CELF2: variants seen among roughly 807,000 people sequenced by gnomAD.
CELF2 encodes the protein CUGBP Elav-like family member 2.
In CELF2, 8 loss-of-function variants were observed where a neutral mutation model predicts 62.6. That is an observed-to-expected ratio of 0.13 (90% CI 0.07 to 0.23). CELF2 has a LOEUF of 0.23. Ranked by LOEUF, CELF2 falls within the 10% of genes least tolerant of loss-of-function variation. The pLI is 1.00. For synonymous variants in CELF2, 258 were observed against 250.0 expected (o/e 1.03, Z -0.30); for missense variants, 333 against 671.0 (o/e 0.50, Z 5.56).
intron 1 of CELF2, among the ~76,000 whole-genome samples, chr10:11,027,188 T>G (rs2059354513): frequency 6.6e-6 from 1 of 152,228 alleles, no homozygotes; most frequent in Admixed American, 6.5e-5. Flanking sequence ...TGCTGGCAGC[T>G]CTGTCTCAAA....
chr10:10,860,849 C>T (rs2060009138), intron 1 of CELF2, among the ~76,000 whole-genome samples: 1 of 152,238 alleles, frequency 6.6e-6, no homozygotes, highest in Admixed American at 6.5e-5. Context: ...GATTAGTTGA[C>T]AGCCTGTGAT....
At chr10:11,143,471 G>A (rs954314623) in intron 1 of CELF2, among the ~76,000 whole-genome samples, 22 of 152,250 alleles carry the variant, frequency 1.4e-4, no homozygotes, top group Middle Eastern at 3.4e-3. Flanking sequence ...TCTGACTGAC[G>A]GACCCTTCCA....
At chr10:11,066,337 T>G (rs1344264789) in intron 1 of CELF2, among the ~76,000 whole-genome samples, 2 of 152,094 alleles carry the variant, frequency 1.3e-5, no homozygotes, top group Admixed American at 1.3e-4. Context: ...CTATGGTGGG[T>G]GTGCTGCCAA....
chr10:10,749,364 G>C, the CELF2 span, among the ~76,000 whole-genome samples: 1 of 152,068 alleles, frequency 6.6e-6, no homozygotes, highest in Non-Finnish European at 1.5e-5. Flanking sequence ...ACAAGCTGAG[G>C]GTACTAAGTG....
At chr10:10,510,364 C>T in the CELF2 span, among the ~76,000 whole-genome samples, 1 of 152,196 alleles carries the variant, frequency 6.6e-6, no homozygotes, top group Non-Finnish European at 1.5e-5. Flanking sequence ...TTTTGCAATA[C>T]TTCTTTTAGG....
chr10:10,798,634 CGT>C (rs893287253), exon 1 of CELF2: 4 of 397,162 alleles, frequency 1.0e-5, no homozygotes, highest in Non-Finnish European at 1.8e-5. Flanking sequence ...AGGAAAAGTG[CGT>C]GTCAGCCCGG....
At chr10:11,036,085 T>C (rs2060903911) in intron 1 of CELF2, among the ~76,000 whole-genome samples, 1 of 152,232 alleles carries the variant, frequency 6.6e-6, no homozygotes, top group Non-Finnish European at 1.5e-5. Flanking sequence ...CATGCGTAAA[T>C]ACTCTGAAAG....
the CELF2 span, among the ~76,000 whole-genome samples, chr10:10,647,549 C>T: frequency 2.6e-5 from 4 of 152,176 alleles, no homozygotes; most frequent in Admixed American, 2.6e-4. Context: ...TAAATGATGA[C>T]GACAGATCAT....
chr10:10,973,472 C>T (rs1183396001), intron 2 of CELF2, among the ~76,000 whole-genome samples: 2 of 152,158 alleles, frequency 1.3e-5, no homozygotes, highest in African/African-American at 4.8e-5. Flanking sequence ...GGTTCTCCTG[C>T]AGACCACGCT....
chr10:10,633,748 T>G, the CELF2 span, among the ~76,000 whole-genome samples: 1 of 152,072 alleles, frequency 6.6e-6, no homozygotes, highest in Non-Finnish European at 1.5e-5. Context: ...CCTTCAAAAA[T>G]TTGACCCTTC....
the CELF2 span, among the ~76,000 whole-genome samples, chr10:10,490,831 A>ATGG: frequency 6.6e-6 from 1 of 152,144 alleles, no homozygotes; most frequent in African/African-American, 2.4e-5. Context: ...TGCCCAAGGG[A>ATGG]GTTAATAATG....
At chr10:10,549,161 T>A in the CELF2 span, among the ~76,000 whole-genome samples, 1 of 152,304 alleles carries the variant, frequency 6.6e-6, no homozygotes, top group African/African-American at 2.4e-5. Context: ...GGTAAACTAG[T>A]TTGCTTGGGC....
intron 3 of CELF2, among the ~76,000 whole-genome samples, chr10:11,229,452 C>T (rs1401700062): frequency 1.3e-5 from 2 of 152,192 alleles, no homozygotes; most frequent in Non-Finnish European, 2.9e-5. Context: ...CTTTGTACTT[C>T]AGTCCATTTG....
intron 8 of CELF2, among the ~76,000 whole-genome samples, chr10:11,282,610 A>G (rs932663026): frequency 6.6e-6 from 1 of 152,230 alleles, no homozygotes; most frequent in African/African-American, 2.4e-5. Flanking sequence ...ACTCTGCACT[A>G]GGCATTGTTT....
At chr10:11,139,317 TA>T (rs1158358432) in intron 1 of CELF2, among the ~76,000 whole-genome samples, 12 of 152,372 alleles carry the variant, frequency 7.9e-5, no homozygotes, top group Admixed American at 5.9e-4. Context: ...ATTGTAAATT[TA>T]AAATTTTAAA....
chr10:10,764,322 T>A, the CELF2 span, among the ~76,000 whole-genome samples: 1 of 152,236 alleles, frequency 6.6e-6, no homozygotes, highest in East Asian at 1.9e-4. Context: ...TCTGCAAAAA[T>A]TCCATTTGGG....
intron 1 of CELF2, among the ~76,000 whole-genome samples, chr10:11,007,642 G>A (rs1215507966): frequency 2.0e-5 from 3 of 152,068 alleles, no homozygotes; most frequent in Admixed American, 2.0e-4. Context: ...TTTCAAGATG[G>A]GCTCATAAAA....
At chr10:10,899,236 T>G (rs1257208984) in intron 1 of CELF2, among the ~76,000 whole-genome samples, 5 of 152,090 alleles carry the variant, frequency 3.3e-5, no homozygotes, top group African/African-American at 1.2e-4. Flanking sequence ...AAAGTCAAAG[T>G]GGAACAGAAA....
At chr10:11,274,380 C>T (rs1390058043) in intron 7 of CELF2, among the ~76,000 whole-genome samples, 1 of 152,196 alleles carries the variant, frequency 6.6e-6, no homozygotes, top group African/African-American at 2.4e-5. Flanking sequence ...CCTGAAAGCA[C>T]TAGTGGAAAA....
Sources: allele counts gnomAD v4.1 joint callset (sites outside exome capture counted in the v4.1 genomes callset), GRCh38; gene constraint gnomAD v4.1.1; transcripts MANE v1.5; gene names NCBI Gene and HGNC (gene_info 2026-07-23, HGNC 2026-07-21).